AGBL4: variants seen among roughly 807,000 people sequenced by gnomAD.
AGBL4 encodes the protein AGBL carboxypeptidase 4, also known as cytosolic carboxypeptidase 6.
AGBL4 carries 58 observed loss-of-function variants against 66.4 expected under a neutral mutation model. The ratio of observed to expected loss-of-function variants is 0.87; its 90% CI spans 0.71 to 1.09. AGBL4 has a LOEUF of 1.09. Among genes scored for constraint, AGBL4 ranks in the 50% least tolerant of loss-of-function variants. The probability of loss-of-function intolerance (pLI) is 0.00; values close to 1 mark genes in which losing one functional copy is unlikely to be tolerated. For missense variants in AGBL4, 579 were observed against 631.0 expected, an observed-to-expected ratio of 0.92 and a Z score of 0.88; for synonymous variants, 234 against 222.9, an observed-to-expected ratio of 1.05 and a Z score of -0.44.
chr1:49,945,591 A>G (rs1410828679), intron 1 of AGBL4, among the ~76,000 whole-genome samples: 3 of 152,148 alleles, frequency 2.0e-5, no homozygotes, highest in African/African-American at 7.2e-5. Context: ...CAAATCCTGG[A>G]AACACATTAA....
At chr1:48,647,806 T>TG (rs926386593) in intron 8 of AGBL4, among the ~76,000 whole-genome samples, 2 of 152,160 alleles carry the variant, frequency 1.3e-5, no homozygotes, top group African/African-American at 4.8e-5. Context: ...TGCTGCAGTG[T>TG]GTGTTGTGGG....
At chr1:49,355,963 C>T (rs1434601655) in intron 3 of AGBL4, among the ~76,000 whole-genome samples, 1 of 152,152 alleles carries the variant, frequency 6.6e-6, no homozygotes, top group Non-Finnish European at 1.5e-5. Flanking sequence ...GCACTCCCTC[C>T]TCAAAAAGCC....
At chr1:49,351,915 G>C (rs1643917956) in intron 3 of AGBL4, among the ~76,000 whole-genome samples, 1 of 152,140 alleles carries the variant, frequency 6.6e-6, no homozygotes, top group Admixed American at 6.5e-5. Context: ...TGATGAATCA[G>C]CCTAAGCCAT....
At position 50,019,282 on chromosome 1, in the gene AGBL4, T is replaced by TCG. The variant is rs1662240218; in HGVS notation, c.34+4480_34+4481insCG. 6.1e-5 allele frequency among the ~76,000 whole-genome samples: 5 copies of TCG among 82,118 alleles called. No homozygotes were observed. In the East Asian group the frequency reaches 1.9e-3, roughly 31 times the overall value. 53.9% of individuals were successfully genotyped at this position (82,118 alleles called of 152,430 possible). On this transcript the variant is annotated intron_variant, in intron 1 of 13. Coordinates refer to ENST00000371839, the MANE Select transcript of AGBL4 (RefSeq NM_032785.4). ...AAAATATTCTCTCTCTCTCTCTCTC[T>TCG]CTCTCTCTCTCTCTCTCTCTCTCTC...
At chr1:49,743,797 G>A (rs900771121) in intron 2 of AGBL4, among the ~76,000 whole-genome samples, 7 of 150,382 alleles carry the variant, frequency 4.7e-5, no homozygotes, top group African/African-American at 7.3e-5. Flanking sequence ...GCGAACTATC[G>A]CAAGGACAAA....
At chr1:49,598,242 G>C (rs914816467) in intron 3 of AGBL4, among the ~76,000 whole-genome samples, 1 of 152,174 alleles carries the variant, frequency 6.6e-6, no homozygotes, top group Non-Finnish European at 1.5e-5. Context: ...ATCCAGCTTC[G>C]TTCCGTTGCT....
rs114149670 is a variant in AGBL4 at position 48,848,340 on chromosome 1, T to C, written c.634+18851A>G. 3.3e-3 allele frequency among the ~76,000 whole-genome samples: 501 copies of C among 152,342 alleles called. 1 individual carries two copies. The highest frequency in any genetic ancestry group is 5.2e-3 in the Non-Finnish European group (356 of 68,026). On this transcript the variant is annotated intron_variant, in intron 6 of 13. Transcript: ENST00000371839. ...TGACATATTTTTGCCACTGGCCCTATAACTGTTCTTCAGGTGAAGCCATAA... is the reference window on the plus strand; with the variant it reads ...TGACATATTTTTGCCACTGGCCCTACAACTGTTCTTCAGGTGAAGCCATAA...
At chr1:49,778,810 G>A (rs971352014) in intron 2 of AGBL4, among the ~76,000 whole-genome samples, 1 of 152,166 alleles carries the variant, frequency 6.6e-6, no homozygotes, top group Non-Finnish European at 1.5e-5. Context: ...ACTCCAAAAG[G>A]GGGGAAGTTG....
At chr1:49,146,423 A>T (rs1019776266) in intron 4 of AGBL4, among the ~76,000 whole-genome samples, 3 of 152,300 alleles carry the variant, frequency 2.0e-5, no homozygotes, top group African/African-American at 7.2e-5. Flanking sequence ...AATTAAAACC[A>T]TAAAAAATAA....
At chr1:48,886,825 A>G (rs1161583069) in intron 5 of AGBL4, among the ~76,000 whole-genome samples, 1 of 152,194 alleles carries the variant, frequency 6.6e-6, no homozygotes, top group Non-Finnish European at 1.5e-5. Context: ...TGCTGGCATT[A>G]CAGGTGTGAG....
At chr1:49,716,993 G>C (rs1648196819) in intron 2 of AGBL4, among the ~76,000 whole-genome samples, 1 of 152,080 alleles carries the variant, frequency 6.6e-6, no homozygotes, top group African/African-American at 2.4e-5. Context: ...AATTGTCCCT[G>C]TTTGCAGATG....
chr1:49,241,950 G>A (rs777290464), intron 4 of AGBL4, among the ~76,000 whole-genome samples: 39 of 151,772 alleles, frequency 2.6e-4, no homozygotes, highest in Non-Finnish European at 4.1e-4. Flanking sequence ...TCTTCCACCC[G>A]GAATCCCATT....
intron 3 of AGBL4, among the ~76,000 whole-genome samples, chr1:49,354,782 A>G (rs928635232): frequency 1.3e-5 from 2 of 152,212 alleles, no homozygotes; most frequent in African/African-American, 4.8e-5. Context: ...GACTCAAAAT[A>G]CTTCTAATAT....
chr1:49,643,516 A>C (rs1645825376), intron 3 of AGBL4, among the ~76,000 whole-genome samples: 1 of 151,716 alleles, frequency 6.6e-6, no homozygotes, highest in Non-Finnish European at 1.5e-5. Flanking sequence ...AAAAACAGAA[A>C]AAAACACCAA....
chr1:49,671,587 T>C (rs1434444302), intron 3 of AGBL4, among the ~76,000 whole-genome samples: 2 of 152,182 alleles, frequency 1.3e-5, no homozygotes, highest in Admixed American at 1.3e-4. Flanking sequence ...ACTATGCATC[T>C]GACAAAGGTC....
intron 1 of AGBL4, among the ~76,000 whole-genome samples, chr1:49,884,202 T>C (rs1486619894): frequency 1.3e-5 from 2 of 151,942 alleles, no homozygotes; most frequent in African/African-American, 4.8e-5. Flanking sequence ...GATTTAAGAT[T>C]GAATCCACCT....
chr1:49,985,861 A>G (rs1659460420), intron 1 of AGBL4, among the ~76,000 whole-genome samples: 2 of 152,016 alleles, frequency 1.3e-5, no homozygotes, highest in South Asian at 2.1e-4. Flanking sequence ...TTCCCTATTT[A>G]CAGATAAATA....
At chr1:49,551,622 G>T (rs1377974497) in intron 3 of AGBL4, among the ~76,000 whole-genome samples, 1 of 152,220 alleles carries the variant, frequency 6.6e-6, no homozygotes, top group Admixed American at 6.5e-5. Flanking sequence ...ACTGGGGGTT[G>T]TCTGTACAGA....
chr1:49,847,813 T>A (rs113726362), intron 2 of AGBL4, among the ~76,000 whole-genome samples: 1 of 151,956 alleles, frequency 6.6e-6, no homozygotes, highest in African/African-American at 2.4e-5. Flanking sequence ...GCCATTCTCC[T>A]GCCTCAGTCT....
Sources: allele counts gnomAD v4.1 joint callset (sites outside exome capture counted in the v4.1 genomes callset), GRCh38; gene constraint gnomAD v4.1.1; transcripts MANE v1.5; gene names NCBI Gene and HGNC (gene_info 2026-07-23, HGNC 2026-07-21).